The following CTNNA3 variants were observed in gnomAD, a reference collection of about 807,000 sequenced individuals.
CTNNA3 encodes the protein catenin alpha 3, also known as catenin alpha-3.
In CTNNA3, 76 loss-of-function variants were observed where a neutral mutation model predicts 95.7. The observed-to-expected ratio is 0.79, with a 90% CI of 0.66 to 0.96. The LOEUF (loss-of-function observed/expected upper bound fraction) is 0.96. Among genes scored for constraint, CTNNA3 ranks in the 40% least tolerant of loss-of-function variants. The pLI, the probability that CTNNA3 is intolerant of heterozygous loss-of-function variation, is 0.00. For missense variants in CTNNA3, 1,191 were observed against 1,089.8 expected, an observed-to-expected ratio of 1.09 and a Z score of -1.31; for synonymous variants, 431 against 374.4, an observed-to-expected ratio of 1.15 and a Z score of -1.74.
chr10:66,765,645 AT>A (rs34265937), intron 9 of CTNNA3, among the ~76,000 whole-genome samples: 4,799 of 152,206 alleles, frequency 0.032, 153 homozygotes, highest in East Asian at 0.17. Context: ...AGTAAGTTCT[AT>A]TATCTCTCTC....
chr10:67,034,986 C>T (rs535743972), intron 7 of CTNNA3, among the ~76,000 whole-genome samples: 80 of 152,280 alleles, frequency 5.3e-4, no homozygotes, highest in Middle Eastern at 6.8e-3. Context: ...TCTTGGAAGG[C>T]CCCGTTCAGA....
chr10:66,246,522 C>T (rs1312516287), intron 13 of CTNNA3, among the ~76,000 whole-genome samples: 3 of 152,086 alleles, frequency 2.0e-5, no homozygotes, highest in Middle Eastern at 3.2e-3. Flanking sequence ...ATGATGGCAA[C>T]AGCAGGCAAT....
intron 11 of CTNNA3, among the ~76,000 whole-genome samples, chr10:66,472,250 G>A (rs979218884): frequency 7.9e-5 from 12 of 151,936 alleles, no homozygotes; most frequent in African/African-American, 2.9e-4. Flanking sequence ...AGAGAAAAGT[G>A]TGATTTACAC....
At chr10:66,767,399 T>A (rs1431524005) in intron 8 of CTNNA3, among the ~76,000 whole-genome samples, 1 of 148,682 alleles carries the variant, frequency 6.7e-6, no homozygotes, top group African/African-American at 2.5e-5. Flanking sequence ...TGAGCTGAGA[T>A]CGCACCACTG....
chr10:67,273,320 C>T (rs906938967), intron 5 of CTNNA3, among the ~76,000 whole-genome samples: 1 of 152,046 alleles, frequency 6.6e-6, no homozygotes, highest in Non-Finnish European at 1.5e-5. Context: ...TGTTAACAGA[C>T]ACTTACAAAG....
chr10:66,109,851 C>A (rs763528573), intron 13 of CTNNA3, among the ~76,000 whole-genome samples: 8 of 135,388 alleles, frequency 5.9e-5, no homozygotes, highest in Non-Finnish European at 1.2e-4. Context: ...CACATGTAAC[C>A]TAAAACTTAA....
chr10:67,067,669 C>T (rs570527263), intron 7 of CTNNA3, among the ~76,000 whole-genome samples: 90 of 152,292 alleles, frequency 5.9e-4, no homozygotes, highest in African/African-American at 1.9e-3. Flanking sequence ...GTATTATTAA[C>T]AAGCTCTTAG....
chr10:67,231,941 T>C (rs544781025), intron 5 of CTNNA3, among the ~76,000 whole-genome samples: 26 of 151,944 alleles, frequency 1.7e-4, no homozygotes, highest in African/African-American at 6.3e-4. Flanking sequence ...TGAAATGAAG[T>C]GAGAAGGGAA....
Position 66,487,181 on chromosome 10 carries a change from A to ATTTTTTT in CTNNA3, c.1531+33429_1531+33435dup, listed in dbSNP as rs60547696. Among the ~76,000 whole-genome samples the ATTTTTTT allele has an allele frequency of 2.1e-3, 96 of 45,988 alleles. 11 individuals carry two copies. The highest frequency in any genetic ancestry group is 8.0e-3 in the African/African-American group (89 of 11,116). 30.2% of individuals were successfully genotyped at this position (45,988 alleles called of 152,430 possible). A position where few individuals can be genotyped will look rare whatever the true frequency, so the allele number is the denominator to read the frequency against. On this transcript the variant is annotated intron_variant, in intron 11 of 17. Transcript: ENST00000433211. ...TACTTGAAATTTAATAAAAGGGCAGATTTTTTTTTTTTTTTTTTTTTTTTT... is the reference window on the plus strand; with the variant it reads ...TACTTGAAATTTAATAAAAGGGCAGATTTTTTTTTTTTTTTTTTTTTTTTTTTTTTTT...
chr10:67,567,410 G>T (rs1159195356), intron 3 of CTNNA3, among the ~76,000 whole-genome samples: 1 of 151,980 alleles, frequency 6.6e-6, no homozygotes, highest in Non-Finnish European at 1.5e-5. Flanking sequence ...GTAGAAAGTG[G>T]AATGATTGAT....
chr10:65,955,787 T>G (rs1440666098), intron 17 of CTNNA3, among the ~76,000 whole-genome samples: 2 of 152,186 alleles, frequency 1.3e-5, no homozygotes, highest in African/African-American at 4.8e-5. Flanking sequence ...GGATTCAGTT[T>G]GCCAGTATTT....
chr10:67,744,601 T>A (rs1841363582), intron 1 of CTNNA3, among the ~76,000 whole-genome samples: 1 of 151,150 alleles, frequency 6.6e-6, no homozygotes, highest in Non-Finnish European at 1.5e-5. Context: ...GGGCAAGGAC[T>A]TCATGTCTAA....
chr10:66,928,415 C>A (rs1453037801), intron 7 of CTNNA3: 3 of 1,612,884 alleles, frequency 1.9e-6, no homozygotes, highest in South Asian at 2.2e-5. Context: ...GGGACGGGAC[C>A]CTGCACCTAT....
rs925807147 is a variant in CTNNA3 at position 66,601,357 on chromosome 10, A to G, written c.1374+20335T>C. Among the ~76,000 whole-genome samples, 3 of 152,096 alleles carry G rather than the reference A, an allele frequency of 2.0e-5. No individual in the cohort carries two copies. In the South Asian group the frequency reaches 6.2e-4, roughly 32 times the overall value. The stretch of plus-strand genomic sequence containing the variant: ...GCAAAAAGTAGAATTTTATTGTGCT[A>G]TAAGTACAGTTATTTTATTTCTGCA... On this transcript the variant is annotated intron_variant, in intron 10 of 17. Coordinates refer to ENST00000433211, the MANE Select transcript of CTNNA3 (RefSeq NM_013266.4).
chr10:67,019,500 G>A (rs544377730), intron 7 of CTNNA3, among the ~76,000 whole-genome samples: 1 of 152,200 alleles, frequency 6.6e-6, no homozygotes, highest in Non-Finnish European at 1.5e-5. Context: ...TTACAGGCAT[G>A]AGCCACCGTA....
intron 7 of CTNNA3, among the ~76,000 whole-genome samples, chr10:66,787,058 T>G (rs896648835): frequency 6.6e-6 from 1 of 152,168 alleles, no homozygotes; most frequent in Non-Finnish European, 1.5e-5. Context: ...CTTTCTAAGT[T>G]CCTTTTTTCC....
In CTNNA3 at chr10:66,250,570, T is replaced by G. The variant is rs541887973; in HGVS notation, c.1884+29900A>C. Among the ~76,000 whole-genome samples, 3 of 152,274 alleles carry G rather than the reference T, an allele frequency of 2.0e-5. No individual in the cohort carries two copies. In the East Asian group the frequency reaches 5.8e-4, roughly 29 times the overall value. On this transcript the variant is annotated intron_variant, in intron 13 of 17. Coordinates refer to ENST00000433211, the MANE Select transcript of CTNNA3 (RefSeq NM_013266.4). ...CACACCTACTATGTACTCTCTACAATTAAAAATAATAATTTTTTTGAACGG... is the reference window on the plus strand; with the variant it reads ...CACACCTACTATGTACTCTCTACAAGTAAAAATAATAATTTTTTTGAACGG...
At chr10:65,931,623 C>T (rs998363952) in intron 17 of CTNNA3, among the ~76,000 whole-genome samples, 3 of 152,174 alleles carry the variant, frequency 2.0e-5, no homozygotes, top group Admixed American at 6.5e-5. Flanking sequence ...ACACTCTGTA[C>T]CTAAGTGAAT....
chr10:67,380,800 A>G lies in CTNNA3; in HGVS notation c.579+141042T>C, dbSNP rs373921441. Among the ~76,000 whole-genome samples the G allele has an allele frequency of 3.9e-5, 6 of 152,208 alleles. No individual in the cohort carries two copies. In the East Asian group the frequency reaches 9.6e-4, roughly 24 times the overall value. On this transcript the variant is annotated intron_variant, in intron 5 of 17. Transcript: ENST00000433211. ...GGGAGAGAGCAACTACTATAAATGG[A>G]GCAAATTCCTTATTTGCAATCTTGG...
Sources: gnomAD v4.1 joint callset for allele counts (sites outside exome capture counted in the v4.1 genomes callset) on GRCh38, gnomAD v4.1.1 for gene constraint, MANE v1.5 for transcripts, NCBI Gene and HGNC (gene_info 2026-07-23, HGNC 2026-07-21) for gene names.